Variants in SLC35F3 observed in about 807,000 individuals in gnomAD.
SLC35F3 encodes putative thiamine transporter SLC35F3.
In SLC35F3, 25 loss-of-function variants were observed where a neutral mutation model predicts 49.9. The ratio of observed to expected loss-of-function variants is 0.50; its 90% confidence interval spans 0.37 to 0.70. The LOEUF (loss-of-function observed/expected upper bound fraction) is 0.70. SLC35F3 is among the 30% of genes least tolerant of loss of function. The pLI, the probability that SLC35F3 is intolerant of heterozygous loss-of-function variation, is 0.00. For synonymous variants in SLC35F3, 275 were observed against 265.4 expected (o/e 1.04, Z -0.35); for missense variants, 525 against 639.8 (o/e 0.82, Z 1.94).
chr1:234,256,873 C>T (rs543243865), intron 3 of SLC35F3, among the ~76,000 whole-genome samples: 2 of 152,374 alleles, frequency 1.3e-5, no homozygotes, highest in Admixed American at 1.3e-4. Flanking sequence ...GAAGTGCTTG[C>T]TCCCAGCTTC....
intron 2 of SLC35F3, among the ~76,000 whole-genome samples, chr1:234,013,387 A>G (rs1663754236): frequency 6.6e-6 from 1 of 152,170 alleles, no homozygotes; most frequent in African/African-American, 2.4e-5. Flanking sequence ...ATGTCAAAAA[A>G]GAAGAAAGAT....
intron 4 of SLC35F3, among the ~76,000 whole-genome samples, chr1:234,310,193 G>C (rs961896952): frequency 6.6e-6 from 1 of 152,146 alleles, no homozygotes; most frequent in African/African-American, 2.4e-5. Context: ...AGAGCATTTA[G>C]CCAGGCCGCT....
At chr1:234,039,286 G>A (rs565425131) in intron 2 of SLC35F3, among the ~76,000 whole-genome samples, 89 of 152,288 alleles carry the variant, frequency 5.8e-4, no homozygotes, top group Non-Finnish European at 9.9e-4. Context: ...GAGTATCCTC[G>A]AAGTCAAGGA....
intron 3 of SLC35F3, among the ~76,000 whole-genome samples, chr1:234,268,206 A>G (rs1366917564): frequency 3.9e-5 from 6 of 152,102 alleles, no homozygotes; most frequent in Non-Finnish European, 7.4e-5. Context: ...CAATCCCGGC[A>G]CCTCGGGAGG....
At chr1:234,029,380 G>A (rs1187390050) in intron 2 of SLC35F3, among the ~76,000 whole-genome samples, 1 of 152,192 alleles carries the variant, frequency 6.6e-6, no homozygotes, top group Admixed American at 6.5e-5. Context: ...CCTCTACAAA[G>A]TGTTGAAGGA....
At chr1:234,213,497 A>G (rs1667071445) in intron 2 of SLC35F3, 1 of 152,242 alleles carries the variant, frequency 6.6e-6, no homozygotes, top group South Asian at 2.1e-4. Flanking sequence ...TCATGGGATA[A>G]ATGCCCCTCC....
At chr1:234,273,195 T>C (rs181923861) in intron 3 of SLC35F3, among the ~76,000 whole-genome samples, 135 of 152,372 alleles carry the variant, frequency 8.9e-4, no homozygotes, top group African/African-American at 3.1e-3. Flanking sequence ...ATGCATCGAT[T>C]TGAATCATTA....
intron 2 of SLC35F3, among the ~76,000 whole-genome samples, chr1:234,107,481 CG>C: frequency 1.3e-5 from 2 of 151,904 alleles, no homozygotes; most frequent in Non-Finnish European, 2.9e-5. Context: ...TTGCTATTAC[CG>C]GGGAGTAAAG....
rs1667078930 is a variant in SLC35F3, at chr1:234,214,130, T to C, written c.284-17287T>C. On this transcript the variant is annotated intron_variant, in intron 2 of 7. Transcript: ENST00000366618. The surrounding 1 kb of genome is among the most constrained non-coding windows in gnomAD (Gnocchi z 8.0). ...GACCTGGCTGGGAGGAAGACAGGGA[T>C]GAGGGCTGCGGGGCTGGGCGTCCCG... 2.9e-6 allele frequency: 3 copies of C among 1,032,996 alleles called. No homozygotes were observed. Among genetic ancestry groups the C allele is most frequent in the Non-Finnish European group, 2.3e-6 (2 of 859,528 alleles). The allele number at this position is 1,032,996 out of a possible 1,614,324, so 64.0% of individuals were successfully genotyped here. A position where few individuals can be genotyped will look rare whatever the true frequency, so the allele number is the denominator to read the frequency against.
At chr1:234,170,205 T>C (rs1666379505) in intron 2 of SLC35F3, among the ~76,000 whole-genome samples, 1 of 152,220 alleles carries the variant, frequency 6.6e-6, no homozygotes, top group Non-Finnish European at 1.5e-5. Flanking sequence ...TGCTGGGGGC[T>C]ATTCCATGAG....
chr1:234,154,214 G>A (rs919544084), intron 2 of SLC35F3, among the ~76,000 whole-genome samples: 1 of 152,196 alleles, frequency 6.6e-6, no homozygotes, highest in Non-Finnish European at 1.5e-5. Flanking sequence ...TTACGCCACA[G>A]CACTCCAGCC....
chr1:234,023,768 CTT>C (rs1173510039), intron 2 of SLC35F3, among the ~76,000 whole-genome samples: 1 of 151,922 alleles, frequency 6.6e-6, no homozygotes, highest in East Asian at 1.9e-4. Flanking sequence ...TGAAATGCCA[CTT>C]TACCTCCATG....
chr1:234,215,477 G>T (rs1030172291), intron 2 of SLC35F3, among the ~76,000 whole-genome samples: 1 of 152,202 alleles, frequency 6.6e-6, no homozygotes. Flanking sequence ...AGCCACCTTG[G>T]CCAGGTGAGG....
intron 2 of SLC35F3, among the ~76,000 whole-genome samples, chr1:233,978,437 T>C (rs533030306): frequency 6.6e-6 from 1 of 152,348 alleles, no homozygotes; most frequent in South Asian, 2.1e-4. Flanking sequence ...GTGTGTAGAA[T>C]ACATTTGTTT....
At chr1:233,921,580 C>T (rs145603688) in intron 2 of SLC35F3, among the ~76,000 whole-genome samples, 1 of 152,250 alleles carries the variant, frequency 6.6e-6, no homozygotes, top group East Asian at 1.9e-4. Flanking sequence ...CTCTGGCAAT[C>T]GCTAATCTTT....
intron 2 of SLC35F3, among the ~76,000 whole-genome samples, chr1:233,942,023 C>T (rs758636256): frequency 2.0e-5 from 3 of 147,984 alleles, no homozygotes; most frequent in Non-Finnish European, 3.0e-5. Flanking sequence ...TTCAGTGGCA[C>T]GATCTCGGAT....
At chr1:234,303,091 C>T (rs1668718988) in intron 3 of SLC35F3, among the ~76,000 whole-genome samples, 1 of 152,116 alleles carries the variant, frequency 6.6e-6, no homozygotes, top group Non-Finnish European at 1.5e-5. Flanking sequence ...ATTTCTATCT[C>T]ACCCTACCCT....
chr1:233,923,855 G>C (rs374343952), intron 2 of SLC35F3, among the ~76,000 whole-genome samples: 2 of 152,120 alleles, frequency 1.3e-5, no homozygotes, highest in East Asian at 1.9e-4. Flanking sequence ...TAGCATGAAG[G>C]GCTGTTGAAT....
chr1:234,069,281 G>A (rs532456058), intron 2 of SLC35F3, among the ~76,000 whole-genome samples: 2 of 141,030 alleles, frequency 1.4e-5, no homozygotes, highest in South Asian at 2.2e-4. Context: ...TTTTTGAGAG[G>A]GAGTCTTGCT....
Sources: gnomAD v4.1 joint callset for allele counts (sites outside exome capture counted in the v4.1 genomes callset) on GRCh38, gnomAD v4.1.1 for gene constraint, Gnocchi (gnomAD v3.1) non-coding constraint, MANE v1.5 for transcripts, NCBI Gene and HGNC (gene_info 2026-07-23, HGNC 2026-07-21) for gene names.